Variants in MOV10 observed in about 807,000 individuals in gnomAD.
The protein encoded by MOV10 is Mov10 RNA helicase, also known as RNA helicase MOV-10.
Under a neutral mutation model 108.4 loss-of-function variants are expected in MOV10, and 39 were observed. That is an observed-to-expected ratio of 0.36 (90% CI 0.28 to 0.47). The LOEUF is 0.47. Ranked by LOEUF, MOV10 falls within the 20% of genes least tolerant of loss-of-function variation. The probability of loss-of-function intolerance (pLI) is 1.00; values close to 1 mark genes in which losing one functional copy is unlikely to be tolerated. For missense variants in MOV10, 952 were observed against 1,297.6 expected (o/e 0.73, Z 4.09); for synonymous variants, 490 against 523.1 (o/e 0.94, Z 0.86).
At position 112,698,369 on chromosome 1, in the gene MOV10, C is replaced by T; in HGVS notation, c.2399C>T (p.Ala800Val). 4.3e-6 allele frequency: 7 copies of T among 1,614,238 alleles called. No homozygotes were observed. The South Asian group carries it at 4.4e-5, about 10-fold the overall frequency. Reference sequence around the variant, plus strand: ...CCATCCTTCTTCAACCCTGAAGAGGCTGCCACAGTGACTTCCTACCTGAAG... The same window carrying T: ...CCATCCTTCTTCAACCCTGAAGAGGTTGCCACAGTGACTTCCTACCTGAAG... ...NSPSFFNPEE[A>V]ATVTSYLKLL... Residue 800 changes from alanine (A) to valine (V), a missense_variant, in exon 16 of 21, where the codon GCT (alanine) becomes GTT (valine). Ala to Val is a moderately conservative substitution (Grantham distance 64). Coordinates refer to ENST00000369645, the MANE Select transcript of MOV10 (RefSeq NM_001321324.2).
At chr1:112,685,341 T>C (rs908102094) in intron 2 of MOV10, among the ~76,000 whole-genome samples, 1 of 152,020 alleles carries the variant, frequency 6.6e-6, no homozygotes, top group Non-Finnish European at 1.5e-5. Flanking sequence ...CCAGTCTTGG[T>C]TAGAAAGTTT....
At chr1:112,697,242 C>G (rs1472978444) in intron 14 of MOV10, among the ~76,000 whole-genome samples, 1 of 151,984 alleles carries the variant, frequency 6.6e-6, no homozygotes, top group Non-Finnish European at 1.5e-5. Context: ...AGGCTCCCAC[C>G]CCCGATCACT....
In MOV10 at chr1:112,698,079, C is replaced by G. The variant is rs1184419449; in HGVS notation, c.2284C>G (p.Arg762Gly). Reference protein sequence around the residue: ...QACADVVDRERFCRWAGLPRQ... With the variant: ...QACADVVDREGFCRWAGLPRQ... ...CTGTGCTGATGTCGTGGATCGAGAA[C>G]GCTTCTGCCGCTGGGCGGGCCTACC... is the stretch of plus-strand genomic sequence containing the variant. The change falls in exon 15 of 21, where the codon CGC becomes GGC. Residue 762 changes from arginine to glycine, a missense_variant. Around this residue, in one of 5 missense-constraint regions of MOV10, gnomAD observed 453 missense variants for 611.5 expected, o/e 0.74. Transcript: ENST00000369645. The G allele has an allele frequency of 6.2e-7, 1 of 1,614,146 alleles. No homozygotes were observed. The highest frequency in any genetic ancestry group is 2.2e-5 in the East Asian group (1 of 44,876).
intron 2 of MOV10, among the ~76,000 whole-genome samples, chr1:112,681,641 G>A (rs1345789387): frequency 6.6e-6 from 1 of 151,984 alleles, no homozygotes; most frequent in Admixed American, 6.5e-5. Flanking sequence ...ATAAAGAAAA[G>A]TTGAAATGAA....
At chr1:112,698,970 G>A (rs146056871) in intron 17 of MOV10, 181 bp downstream of exon 17, 2 of 623,350 alleles carry the variant, frequency 3.2e-6, no homozygotes, top group Non-Finnish European at 5.7e-6. Context: ...GGTCTGGGAT[G>A]GGATCAGGAA....
In MOV10 at chr1:112,675,000, A is replaced by G; in HGVS notation, c.88A>G (p.Thr30Ala). ...GGTCGTTCGGGGACTGGACATGGAG[A>G]CAGATCGCGAGCGGCTGCGGACCAT... ...FLVVRGLDME[T>A]DRERLRTIYN... is the part of the protein sequence containing the mutation. Residue 30 changes from threonine to alanine, a missense_variant, in exon 2 of 21, where the codon ACA becomes GCA. Coordinates refer to ENST00000369645, the MANE Select transcript of MOV10 (RefSeq NM_001321324.2). 6.3e-7 allele frequency: 1 copy of G among 1,583,842 alleles called. No homozygotes were observed. Among genetic ancestry groups the G allele is most frequent in the Admixed American group, 1.8e-5 (1 of 56,532 alleles).
chr1:112,699,734 TCTC>T lies in MOV10; in HGVS notation c.2635_2637del (p.Ser879del), dbSNP rs1557774181. On this transcript the variant is annotated inframe_deletion, in exon 18 of 21. Transcript: ENST00000369645. Reference sequence around the variant, plus strand: ...GGCCAAGAACGAAGCGTCATCCTCATCTCCACCGTGCGAAGCAGCCAGAGCTTT... The same window carrying T: ...GGCCAAGAACGAAGCGTCATCCTCATCACCGTGCGAAGCAGCCAGAGCTTT... The T allele has an allele frequency of 6.2e-7, 1 of 1,614,058 alleles. No homozygotes were observed. Among genetic ancestry groups the T allele is most frequent in the Admixed American group, 1.7e-5 (1 of 60,000 alleles).
chr1:112,692,777 G>A lies in MOV10; in HGVS notation c.988G>A (p.Ala330Thr). ...IAEIKAQLET[A>T]LKWRNYEVKL... is the part of the protein sequence containing the mutation. ...CATTTCCAGGGCCCAGCTGGAGACA[G>A]CCCTGAAGTGGAGGAACTATGAGGT... is the stretch of plus-strand genomic sequence containing the variant. The change falls in exon 7 of 21, where the codon GCC (alanine) becomes ACC (threonine). Residue 330 changes from alanine (A) to threonine (T), a missense_variant. Ala to Thr is a moderately conservative substitution (Grantham distance 58). Coordinates refer to ENST00000369645, the MANE Select transcript of MOV10 (RefSeq NM_001321324.2). 1.2e-6 allele frequency: 2 copies of A among 1,614,056 alleles called. No homozygotes were observed. Among genetic ancestry groups the A allele is most frequent in the South Asian group, 2.2e-5 (2 of 91,080 alleles).
At chr1:112,690,603 G>T (rs993396248) in intron 5 of MOV10, among the ~76,000 whole-genome samples, 1 of 151,912 alleles carries the variant, frequency 6.6e-6, no homozygotes, top group Non-Finnish European at 1.5e-5. Flanking sequence ...CAAGTGATCC[G>T]CCAGCCTCGG....
At position 112,689,962 on chromosome 1, in the gene MOV10, A is replaced by C. The variant is rs770891090; in HGVS notation, c.700A>C (p.Ile234Leu). The change falls in exon 5 of 21, where the codon ATT (isoleucine) becomes CTT (leucine). Residue 234 changes from isoleucine (I) to leucine (L), a missense_variant. By Grantham distance (5) the Ile-to-Leu change is conservative. This residue lies in a region of MOV10 where 374 missense variants were observed against 468.6 expected (regional missense o/e 0.80). Coordinates refer to ENST00000369645, the MANE Select transcript of MOV10 (RefSeq NM_001321324.2). The stretch of plus-strand genomic sequence containing the variant: ...TTCAGAAGGAGCCGGCACATTCTAC[A>C]TTGCCCGCTTCTTGGCTGCCGTCGC... ...SGSEGAGTFY[I>L]ARFLAAVAHS... The C allele has an allele frequency of 8.7e-6, 14 of 1,614,080 alleles. No individual in the cohort carries two copies. Among genetic ancestry groups the C allele is most frequent in the Middle Eastern group, 3.3e-4 (2 of 6,060 alleles).
In MOV10 at chr1:112,698,443, C is replaced by T. The variant is rs1557772441; in HGVS notation, c.2473C>T (p.Arg825Ter). 1.9e-6 allele frequency: 3 copies of T among 1,614,160 alleles called. No individual in the cohort carries two copies. The highest frequency in any genetic ancestry group is 1.7e-5 in the Admixed American group (1 of 60,030). The change falls in exon 16 of 21, where the codon CGA (arginine) becomes TGA (stop). Residue 825 changes from arginine to a stop codon, truncating the protein, a stop_gained. Coordinates refer to ENST00000369645, the MANE Select transcript of MOV10 (RefSeq NM_001321324.2). LOFTEE classifies it high-confidence loss of function. ...SKKGKARLSPRSVGVISPYRK... is the reference protein window; with the variant it reads ...SKKGKARLSP Reference sequence around the variant, plus strand: ...GAAGGGCAAAGCTCGCCTGAGCCCTCGAAGTGTGGGCGTCATCTCCCCGTA... The same window carrying T: ...GAAGGGCAAAGCTCGCCTGAGCCCTTGAAGTGTGGGCGTCATCTCCCCGTA...
chr1:112,678,894 A>G (rs1570749143), intron 2 of MOV10, among the ~76,000 whole-genome samples: 1 of 152,174 alleles, frequency 6.6e-6, no homozygotes, highest in East Asian at 1.9e-4. Context: ...ACAGTAAAAA[A>G]CACATTTTAC....
chr1:112,682,139 C>T (rs1672707596), intron 2 of MOV10, among the ~76,000 whole-genome samples: 1 of 152,136 alleles, frequency 6.6e-6, no homozygotes, highest in Non-Finnish European at 1.5e-5. Context: ...AGGTGATCCA[C>T]CCGCCTTGGC....
Position 112,700,421 on chromosome 1 carries a change from C to T in MOV10, c.2926C>T (p.His976Tyr). Residue 976 changes from histidine (H) to tyrosine (Y), a missense_variant, in exon 21 of 21, where the codon CAC (histidine) becomes TAC (tyrosine). Transcript: ENST00000369645. Reference protein sequence around the residue: ...SKLSPSTSGPHSHDYLPQERE... With the variant: ...SKLSPSTSGPYSHDYLPQERE... ...TGTACTTTCTCTCTTTCCAGGGCCC[C>T]ACAGCCATGACTACCTCCCCCAGGA... The T allele has an allele frequency of 6.2e-7, 1 of 1,613,596 alleles. No homozygotes were observed. The highest frequency in any genetic ancestry group is 8.5e-7 in the Non-Finnish European group (1 of 1,179,740).
chr1:112,694,937 C>T lies in MOV10; in HGVS notation c.1620+41C>T. On this transcript the variant is annotated intron_variant, in intron 10 of 20. Transcript: ENST00000369645. The surrounding 1 kb of genome is among the most constrained non-coding windows in gnomAD (Gnocchi z 4.1). ...AAACCTGGGGCCTGCACTCTGATTC[C>T]CCCAGCACCAAGCAGTTGTCCCCAG... is the stretch of plus-strand genomic sequence containing the variant. 6.3e-7 allele frequency: 1 copy of T among 1,581,852 alleles called. No individual in the cohort carries two copies. The highest frequency in any genetic ancestry group is 8.6e-7 in the Non-Finnish European group (1 of 1,160,036).
intron 2 of MOV10, among the ~76,000 whole-genome samples, chr1:112,683,077 G>A (rs570689239): frequency 1.3e-4 from 19 of 151,708 alleles, no homozygotes; most frequent in Admixed American, 9.9e-4. Flanking sequence ...CTGCCACAAC[G>A]CCTGGCTAAT....
At chr1:112,683,377 A>G (rs915763225) in intron 2 of MOV10, among the ~76,000 whole-genome samples, 1 of 152,252 alleles carries the variant, frequency 6.6e-6, no homozygotes, top group Admixed American at 6.5e-5. Context: ...TTTACAGACC[A>G]ACAAACAATG....
chr1:112,697,943 G>T, intron 14 of MOV10, 51 bp from the exon 15 acceptor site: 3 of 1,502,986 alleles, frequency 2.0e-6, no homozygotes, highest in Non-Finnish European at 2.8e-6. Flanking sequence ...GCCCCTGTAG[G>T]GCAGAGGGAA....
intron 2 of MOV10, among the ~76,000 whole-genome samples, chr1:112,683,940 A>T (rs138400277): frequency 0.02 from 3,087 of 151,908 alleles, 55 homozygotes; most frequent in Non-Finnish European, 0.031. Flanking sequence ...TTATCTTTTA[A>T]ATTTAAATTT....
Sources: gnomAD v4.1 joint callset for allele counts (sites outside exome capture counted in the v4.1 genomes callset) on GRCh38, gnomAD v4.1.1 for gene constraint, gnomAD v4.1.1 regional missense constraint, Gnocchi (gnomAD v3.1) non-coding constraint, MANE v1.5 for transcripts, NCBI Gene and HGNC (gene_info 2026-07-23, HGNC 2026-07-21) for gene names.